The following ANKRD12 variants were observed in gnomAD, a reference collection of about 807,000 sequenced individuals.
ANKRD12 encodes ankyrin repeat domain 12, also known as ankyrin repeat domain-containing protein 12.
ANKRD12 carries 85 observed loss-of-function variants against 183.4 expected under a neutral mutation model. The observed-to-expected ratio is 0.46, with a 90% CI of 0.39 to 0.56. The LOEUF (loss-of-function observed/expected upper bound fraction) is 0.56. Among genes scored for constraint, ANKRD12 ranks in the 20% least tolerant of loss-of-function variants. The pLI is 0.00. For missense variants in ANKRD12, 2,405 were observed against 2,357.1 expected (o/e 1.02, Z -0.42); for synonymous variants, 914 against 800.2 (o/e 1.14, Z -2.40).
chr18:9,161,894 C>T (rs905862640), intron 1 of ANKRD12, among the ~76,000 whole-genome samples: 4 of 151,126 alleles, frequency 2.6e-5, no homozygotes, highest in Non-Finnish European at 5.9e-5. Context: ...GACAGGGTCT[C>T]ACTCTGTTGC....
intron 7 of ANKRD12, among the ~76,000 whole-genome samples, chr18:9,219,941 C>T (rs569700236): frequency 6.6e-6 from 1 of 152,256 alleles, no homozygotes; most frequent in South Asian, 2.1e-4. Context: ...AGATAAGTAT[C>T]AGGGACAACT....
At chr18:9,176,445 C>T (rs2033274208) in intron 1 of ANKRD12, among the ~76,000 whole-genome samples, 1 of 151,804 alleles carries the variant, frequency 6.6e-6, no homozygotes, top group African/African-American at 2.4e-5. Flanking sequence ...CACATACCAC[C>T]ATGGCCAGCT....
intron 2 of ANKRD12, 151 bp downstream of exon 2, chr18:9,182,670 C>T (rs1470741207): frequency 2.2e-6 from 1 of 444,712 alleles, no homozygotes; most frequent in Non-Finnish European, 4.0e-6. Flanking sequence ...AATTGGATTC[C>T]TGGGGAAGTG....
chr18:9,160,605 C>T (rs1339974345), intron 1 of ANKRD12, among the ~76,000 whole-genome samples: 1 of 152,176 alleles, frequency 6.6e-6, no homozygotes, highest in Admixed American at 6.5e-5. Flanking sequence ...GTTTTTTTAT[C>T]ACTCTACTCA....
rs1189927663 is a variant in ANKRD12, at chr18:9,255,174, C to T, written c.1907C>T (p.Ser636Leu). ...DEDHSPTFEN[S>L]DCTLKKMDKE... ...GATCATAGTCCAACATTTGAAAATT[C>T]AGATTGCACACTGAAAAAAATGGAT... The change falls in exon 9 of 13, where the codon TCA (serine) becomes TTA (leucine). Residue 636 changes from serine to leucine, a missense_variant. This residue lies in a region of ANKRD12 where 1,983 missense variants were observed against 1,725.9 expected (regional missense o/e 1.15). Coordinates refer to ENST00000262126, the MANE Select transcript of ANKRD12 (RefSeq NM_015208.5). The T allele has an allele frequency of 1.3e-6, 2 of 1,579,742 alleles. No homozygotes were observed. Among genetic ancestry groups the T allele is most frequent in the African/African-American group, 2.8e-5 (2 of 72,528 alleles).
chr18:9,142,224 T>C (rs996773075), intron 1 of ANKRD12, among the ~76,000 whole-genome samples: 21 of 152,344 alleles, frequency 1.4e-4, no homozygotes, highest in African/African-American at 5.1e-4. Context: ...AATAGCTATA[T>C]TGACTCTCAA....
intron 3 of ANKRD12, among the ~76,000 whole-genome samples, chr18:9,197,955 C>T (rs1180876668): frequency 2.0e-5 from 3 of 152,146 alleles, no homozygotes; most frequent in Non-Finnish European, 4.4e-5. Context: ...CATATCACAA[C>T]ACAGTGAAAA....
rs1175533378 is a variant in ANKRD12 at position 9,254,534 on chromosome 18, T to C, written c.1267T>C (p.Tyr423His). ...AAAACAAAAGCCATCTAGGGTCTTA[T>C]ATTCAAGTACTGAAAGTTCTGATGA... is the stretch of plus-strand genomic sequence containing the variant. ...SKKQKPSRVL[Y>H]SSTESSDEEA... Residue 423 changes from tyrosine (Y) to histidine (H), a missense_variant, in exon 9 of 13, where the codon TAT becomes CAT. Tyr to His is a moderately conservative substitution (Grantham distance 83). Around this residue, in one of 7 missense-constraint regions of ANKRD12, gnomAD observed 1,983 missense variants for 1,725.9 expected, o/e 1.15. Transcript: ENST00000262126. The C allele has an allele frequency of 3.2e-6, 5 of 1,553,196 alleles. No individual in the cohort carries two copies. Among genetic ancestry groups the C allele is most frequent in the African/African-American group, 1.4e-5 (1 of 71,916 alleles).
At position 9,254,228 on chromosome 18, in the gene ANKRD12, T is replaced by C; in HGVS notation, c.961T>C (p.Ser321Pro). ...ESYTDSEEAQSVNPSSVDENI... is the reference protein window; with the variant it reads ...ESYTDSEEAQPVNPSSVDENI... ...TATTCTAGATTCCGAAGAGGCTCAA[T>C]CTGTAAATCCTTCTAGTGTTGATGA... is the stretch of plus-strand genomic sequence containing the variant. Residue 321 changes from serine (S) to proline (P), a missense_variant, in exon 9 of 13, where the codon TCT becomes CCT. This residue lies in a region of ANKRD12 where 1,983 missense variants were observed against 1,725.9 expected (regional missense o/e 1.15). Transcript: ENST00000262126. 1 of 1,560,930 alleles carries C rather than the reference T, an allele frequency of 6.4e-7. No individual in the cohort carries two copies.
intron 4 of ANKRD12, among the ~76,000 whole-genome samples, chr18:9,208,080 A>C (rs974697983): frequency 2.6e-5 from 4 of 152,150 alleles, no homozygotes; most frequent in African/African-American, 9.6e-5. Context: ...CAGAATCTTT[A>C]ATTTGCGCAT....
intron 6 of ANKRD12, among the ~76,000 whole-genome samples, chr18:9,214,330 A>T (rs2035972555): frequency 6.6e-6 from 1 of 152,052 alleles, no homozygotes; most frequent in African/African-American, 2.4e-5. Context: ...GTAAACAAAC[A>T]TAAAGATGCA....
chr18:9,238,013 T>A (rs1210567300), intron 8 of ANKRD12, among the ~76,000 whole-genome samples: 2 of 152,244 alleles, frequency 1.3e-5, no homozygotes, highest in Non-Finnish European at 2.9e-5. Context: ...TTACTAAGAT[T>A]GCACATGCTG....
rs540444226 is a variant in ANKRD12, at chr18:9,256,228, A to G, written c.2961A>G (p.Val987=). ...AGGAAGAAAAAAAATCAAGTATAGT[A>G]GACGGTAATAAAGCACAACATGAAA... ...HIQEEKKSSI[V]DGNKAQHEKP... Residue 987 remains valine, a synonymous_variant, in exon 9 of 13, where the codon GTA becomes GTG. Transcript: ENST00000262126. The G allele has an allele frequency of 3.1e-6, 5 of 1,594,928 alleles. No homozygotes were observed. Among genetic ancestry groups the G allele is most frequent in the East Asian group, 2.2e-5 (1 of 44,568 alleles).
intron 10 of ANKRD12, among the ~76,000 whole-genome samples, chr18:9,266,393 GC>G (rs1263048051): frequency 3.3e-5 from 5 of 152,216 alleles, no homozygotes; most frequent in African/African-American, 1.2e-4. Flanking sequence ...ACAAAGGGAA[GC>G]CCATCAGATT....
intron 8 of ANKRD12, among the ~76,000 whole-genome samples, chr18:9,247,554 A>C (rs1171256124): frequency 6.6e-6 from 1 of 152,164 alleles, no homozygotes; most frequent in Non-Finnish European, 1.5e-5. Flanking sequence ...TATTTAGGCT[A>C]ATTAATTTTT....
At chr18:9,261,338 A>T (rs2038953621) in intron 9 of ANKRD12, among the ~76,000 whole-genome samples, 1 of 152,244 alleles carries the variant, frequency 6.6e-6, no homozygotes, top group Admixed American at 6.5e-5. Flanking sequence ...ATCTAAAAAT[A>T]GGTTCACTGC....
At chr18:9,276,671 C>T (rs2039851524) in intron 11 of ANKRD12, among the ~76,000 whole-genome samples, 1 of 151,960 alleles carries the variant, frequency 6.6e-6, no homozygotes. Context: ...CTGGATTGTA[C>T]CACTGCACTC....
chr18:9,192,731 T>G (rs1209121589), intron 2 of ANKRD12, among the ~76,000 whole-genome samples: 2 of 151,810 alleles, frequency 1.3e-5, no homozygotes, highest in Non-Finnish European at 1.5e-5. Flanking sequence ...AGACAGGGTC[T>G]TGCTCTGCTC....
chr18:9,159,227 A>G (rs1298482321), intron 1 of ANKRD12, among the ~76,000 whole-genome samples: 3 of 149,554 alleles, frequency 2.0e-5, no homozygotes, highest in Admixed American at 6.6e-5. Context: ...AAGGAAATAT[A>G]TGTGTATATT....
Sources: gnomAD v4.1 joint callset for allele counts (sites outside exome capture counted in the v4.1 genomes callset) on GRCh38, gnomAD v4.1.1 for gene constraint, gnomAD v4.1.1 regional missense constraint, MANE v1.5 for transcripts, NCBI Gene and HGNC (gene_info 2026-07-23, HGNC 2026-07-21) for gene names.